The following GPD1L variants were observed in gnomAD, a reference collection of about 807,000 sequenced individuals.
GPD1L encodes glycerol-3-phosphate dehydrogenase 1-like protein.
GPD1L carries 17 observed loss-of-function variants against 32.9 expected under a neutral mutation model. That is an observed-to-expected ratio of 0.52 (90% CI 0.35 to 0.78). The LOEUF is 0.78. Among genes scored for constraint, GPD1L ranks in the 30% least tolerant of loss-of-function variants. The probability of loss-of-function intolerance (pLI) is 0.01; values close to 1 mark genes in which losing one functional copy is unlikely to be tolerated. For missense variants in GPD1L, 361 were observed against 447.8 expected, an observed-to-expected ratio of 0.81 and a Z score of 1.75; for synonymous variants, 187 against 165.9, an observed-to-expected ratio of 1.13 and a Z score of -0.98.
chr3:32,114,166 C>G (rs983691305), intron 1 of GPD1L, among the ~76,000 whole-genome samples: 2 of 152,220 alleles, frequency 1.3e-5, no homozygotes, highest in African/African-American at 2.4e-5. Flanking sequence ...GGCTGGGACT[C>G]TTGGTCCTAG....
intron 2 of GPD1L, among the ~76,000 whole-genome samples, chr3:32,133,721 A>G (rs1700619235): frequency 6.6e-6 from 1 of 152,206 alleles, no homozygotes; most frequent in African/African-American, 2.4e-5. Flanking sequence ...TGAGGAGATC[A>G]GTCTGTGATG....
At chr3:32,135,375 A>C (rs1320081012) in intron 2 of GPD1L, among the ~76,000 whole-genome samples, 1 of 152,204 alleles carries the variant, frequency 6.6e-6, no homozygotes, top group East Asian at 1.9e-4. Context: ...ACACATGAGA[A>C]CAAAACAATG....
At chr3:32,126,903 CTG>C (rs149476286) in intron 1 of GPD1L, among the ~76,000 whole-genome samples, 3,009 of 152,302 alleles carry the variant, frequency 0.02, 97 homozygotes, top group African/African-American at 0.068. Flanking sequence ...CCGGGTAACT[CTG>C]TGTGCAGCCA....
intron 7 of GPD1L, among the ~76,000 whole-genome samples, chr3:32,162,591 T>C (rs188820781): frequency 0.027 from 1,647 of 60,224 alleles, 363 homozygotes; most frequent in Non-Finnish European, 0.031. Context: ...TTCACCTTGT[T>C]AGCCAGGATG....
At chr3:32,108,083 A>G (rs1448191234) in intron 1 of GPD1L, among the ~76,000 whole-genome samples, 1 of 152,208 alleles carries the variant, frequency 6.6e-6, no homozygotes, top group East Asian at 1.9e-4. Flanking sequence ...ATGATATTTG[A>G]TTGAATAATA....
At chr3:32,152,657 G>A (rs1398689879) in intron 5 of GPD1L, among the ~76,000 whole-genome samples, 1 of 152,030 alleles carries the variant, frequency 6.6e-6, no homozygotes, top group East Asian at 1.9e-4. Flanking sequence ...TTCCTGTTAG[G>A]CCCCACCTCC....
chr3:32,163,637 G>A (rs77497546), intron 7 of GPD1L, among the ~76,000 whole-genome samples: 17,126 of 152,148 alleles, frequency 0.11, 1,067 homozygotes, highest in African/African-American at 0.14. Context: ...TGGCTTCAGA[G>A]TCCAAAACTG....
intron 1 of GPD1L, among the ~76,000 whole-genome samples, chr3:32,121,577 A>ATATATATTTCTATATATATATTTC (rs1258482396): frequency 9.6e-6 from 1 of 104,486 alleles, no homozygotes; most frequent in African/African-American, 5.0e-5. Flanking sequence ...ATATATTTCT[A>ATATATATTTCTATATATATATTTC]TATATATATT....
intron 1 of GPD1L, among the ~76,000 whole-genome samples, chr3:32,118,919 G>T (rs192265005): frequency 1.7e-3 from 256 of 152,226 alleles, no homozygotes; most frequent in African/African-American, 5.7e-3. Flanking sequence ...TGTCTTCAAG[G>T]TTCATCCATG....
chr3:32,137,327 G>C (rs537371915), intron 2 of GPD1L, among the ~76,000 whole-genome samples: 6 of 152,342 alleles, frequency 3.9e-5, no homozygotes, highest in African/African-American at 1.4e-4. Flanking sequence ...AAAGACATTT[G>C]TGGTTGGTGT....
At chr3:32,130,285 T>A (rs770146681) in intron 2 of GPD1L, among the ~76,000 whole-genome samples, 1 of 152,112 alleles carries the variant, frequency 6.6e-6, no homozygotes, top group Non-Finnish European at 1.5e-5. Context: ...CTGATAGATC[T>A]CTCAAACCTA....
chr3:32,131,966 G>A (rs563768297), intron 2 of GPD1L, among the ~76,000 whole-genome samples: 1 of 152,280 alleles, frequency 6.6e-6, no homozygotes, highest in South Asian at 2.1e-4. Flanking sequence ...TTGCCTGATG[G>A]CTAACCATGT....
intron 1 of GPD1L, among the ~76,000 whole-genome samples, chr3:32,122,206 TG>T (rs149990856): frequency 0.21 from 32,582 of 152,094 alleles, 3,982 homozygotes; most frequent in African/African-American, 0.34. Context: ...CTGAAATTAA[TG>T]GGTGCTCAAT....
rs2125478669 is a variant in GPD1L at position 32,128,156 on chromosome 3, T to G, written c.128T>G (p.Phe43Cys). 1 of 1,611,780 alleles carries G rather than the reference T, an allele frequency of 6.2e-7. No individual in the cohort carries two copies. Among genetic ancestry groups the G allele is most frequent in the Admixed American group, 1.7e-5 (1 of 60,016 alleles). The part of the protein sequence containing the change: ...KFASTVKMWV[F>C]EETVNGRKLT... The stretch of plus-strand genomic sequence containing the variant: ...GCCTCCACAGTCAAGATGTGGGTCT[T>G]TGAAGAAACAGTGAATGGCAGAAAA... The change falls in exon 2 of 8, where the codon TTT becomes TGT. Residue 43 changes from phenylalanine (F) to cysteine (C), a missense_variant. Physicochemically the swap from Phe to Cys is radical, Grantham distance 205 (BLOSUM62 -2). Coordinates refer to ENST00000282541, the MANE Select transcript of GPD1L (RefSeq NM_015141.4).
intron 1 of GPD1L, among the ~76,000 whole-genome samples, chr3:32,121,960 G>C (rs921425733): frequency 6.6e-6 from 1 of 151,786 alleles, no homozygotes; most frequent in Non-Finnish European, 1.5e-5. Flanking sequence ...TAGCAGAGAC[G>C]GTGTTTTACC....
intron 5 of GPD1L, 93 bp from the exon 6 acceptor site, chr3:32,158,783 T>G: frequency 6.4e-7 from 1 of 1,551,362 alleles, no homozygotes; most frequent in Non-Finnish European, 8.7e-7. Flanking sequence ...ATGTCCCTGG[T>G]CTGCCCCTGC....
chr3:32,114,610 T>C (rs181878792), intron 1 of GPD1L, among the ~76,000 whole-genome samples: 4 of 152,358 alleles, frequency 2.6e-5, no homozygotes, highest in Admixed American at 2.6e-4. Context: ...CTGTCCTAGA[T>C]AGTAAAACAG....
intron 5 of GPD1L, among the ~76,000 whole-genome samples, chr3:32,155,677 A>G (rs568783105): frequency 8.5e-5 from 13 of 152,118 alleles, no homozygotes; most frequent in African/African-American, 2.9e-4. Context: ...CGGCAGTCAG[A>G]CCCGCTGCAT....
At chr3:32,113,937 T>A (rs1227916909) in intron 1 of GPD1L, among the ~76,000 whole-genome samples, 1 of 152,144 alleles carries the variant, frequency 6.6e-6, no homozygotes, top group Non-Finnish European at 1.5e-5. Context: ...CATTGCAGCC[T>A]CAACCTCCAA....
Sources: gnomAD v4.1 joint callset for allele counts (sites outside exome capture counted in the v4.1 genomes callset) on GRCh38, gnomAD v4.1.1 for gene constraint, MANE v1.5 for transcripts, NCBI Gene and HGNC (gene_info 2026-07-23, HGNC 2026-07-21) for gene names.